The following LRP2 variants were observed in gnomAD, a reference collection of about 807,000 sequenced individuals.
LRP2 encodes LDL receptor related protein 2, also known as low-density lipoprotein receptor-related protein 2.
Under a neutral mutation model 531.0 loss-of-function variants are expected in LRP2, and 172 were observed. That is an observed-to-expected ratio of 0.32 (90% CI 0.29 to 0.37). The LOEUF (loss-of-function observed/expected upper bound fraction) is 0.37, where lower values mean the gene tolerates loss of function less well. LRP2 is among the 10% of genes least tolerant of loss of function. The pLI, the probability that LRP2 is intolerant of heterozygous loss-of-function variation, is 1.00. For missense variants in LRP2, 5,167 were observed against 5,868.3 expected (o/e 0.88, Z 3.90); for synonymous variants, 1,992 against 2,027.6 (o/e 0.98, Z 0.47).
At chr2:169,272,809 A>C in intron 15 of LRP2, 118 bp downstream of exon 15, 1 of 1,317,286 alleles carries the variant, frequency 7.6e-7, no homozygotes, top group East Asian at 2.3e-5. Context: ...GCTTATTTGC[A>C]GTCAAGAAGT....
chr2:169,154,460 T>G lies in LRP2; in HGVS notation c.12295A>C (p.Ser4099Arg), dbSNP rs958873431. The G allele has an allele frequency of 6.2e-7, 1 of 1,611,744 alleles. No individual in the cohort carries two copies. Among genetic ancestry groups the G allele is most frequent in the African/African-American group, 1.3e-5 (1 of 74,844 alleles). Reference protein sequence around the residue: ...YDWDPKDIGLSVVYYTVRGEG... With the variant: ...YDWDPKDIGLRVVYYTVRGEG... ...GAAAGATGCCAAAGTTTATACTCAC[T>G]GAGGCCTATGTCCTTGGGATCCCAA... The change falls in exon 66 of 79, where the codon AGT (serine) becomes CGT (arginine). Residue 4099 changes from serine (S) to arginine (R), a missense_variant and splice_region_variant. By Grantham distance (110) the Ser-to-Arg change is moderately radical. Coordinates refer to ENST00000649046, the MANE Select transcript of LRP2 (RefSeq NM_004525.3).
chr2:169,240,118 T>C (rs1375427767), intron 25 of LRP2, among the ~76,000 whole-genome samples: 1 of 152,328 alleles, frequency 6.6e-6, no homozygotes, highest in East Asian at 1.9e-4. Flanking sequence ...ACACTTAAAA[T>C]TGTTTCTCGT....
chr2:169,280,546 C>T, intron 10 of LRP2, 27 bp from the exon 11 acceptor site: 1 of 1,611,382 alleles, frequency 6.2e-7, no homozygotes. Context: ...AAGGCATCAC[C>T]ACTCCTTCAG....
chr2:169,244,808 T>C lies in LRP2; in HGVS notation c.3315A>G (p.Ala1105=). ...GSDEHNCPTH[A]PASCLDTQYT... ...ATTGGGTGTCAAGGCAGGAAGCAGGTGCGTGGGTGGGGCAGTTGTGCTCAT... is the reference window on the plus strand; with the variant it reads ...ATTGGGTGTCAAGGCAGGAAGCAGGCGCGTGGGTGGGGCAGTTGTGCTCAT... Residue 1105 remains alanine, a synonymous_variant, in exon 22 of 79, where the codon GCA becomes GCG. Transcript: ENST00000649046. 1.2e-6 allele frequency: 2 copies of C among 1,614,214 alleles called. No homozygotes were observed. Among genetic ancestry groups the C allele is most frequent in the Non-Finnish European group, 1.7e-6 (2 of 1,180,038 alleles).
Position 169,311,090 on chromosome 2 carries a change from CT to C in LRP2, c.311-3694del, listed in dbSNP as rs1304085699. The stretch of plus-strand genomic sequence containing the variant: ...TATTGTGTCTATTTGATTCTTCTCT[CT>C]TTTTTCGTTATTAGTCTTCCTAGTG... On this transcript the variant is annotated intron_variant, in intron 3 of 78. Transcript: ENST00000649046. Among the ~76,000 whole-genome samples, 3 of 152,096 alleles carry C rather than the reference CT, an allele frequency of 2.0e-5. No homozygotes were observed. In the East Asian group the frequency reaches 5.8e-4, roughly 29 times the overall value.
chr2:169,312,097 T>A (rs1238544453), intron 3 of LRP2, among the ~76,000 whole-genome samples: 3 of 152,158 alleles, frequency 2.0e-5, no homozygotes, highest in Non-Finnish European at 4.4e-5. Flanking sequence ...TATGTGTGTC[T>A]CTGCACGTGA....
At chr2:169,184,684 A>G (rs1403821152) in intron 50 of LRP2, among the ~76,000 whole-genome samples, 1 of 152,014 alleles carries the variant, frequency 6.6e-6, no homozygotes, top group Non-Finnish European at 1.5e-5. Context: ...TCAAAACAAG[A>G]GTCTCATGTT....
In LRP2 at chr2:169,132,701, C is replaced by T. The variant is rs1011411870; in HGVS notation, c.13621-20G>A. On this transcript the variant is annotated intron_variant, in intron 76 of 78. Coordinates refer to ENST00000649046, the MANE Select transcript of LRP2 (RefSeq NM_004525.3). Reference sequence around the variant, plus strand: ...AGTCACCTGTGGACATGTTAAAGGCCTTTACCCAATTTTGAAAGAATTTAG... The same window carrying T: ...AGTCACCTGTGGACATGTTAAAGGCTTTTACCCAATTTTGAAAGAATTTAG... 4.2e-6 allele frequency: 5 copies of T among 1,178,720 alleles called. No individual in the cohort carries two copies. The highest frequency in any genetic ancestry group is 1.9e-4 in the Middle Eastern group (1 of 5,298). 73.0% of individuals were successfully genotyped at this position (1,178,720 alleles called of 1,614,324 possible).
At chr2:169,203,051 A>G in intron 42 of LRP2, 92 bp from the exon 43 acceptor site, 1 of 997,410 alleles carries the variant, frequency 1.0e-6, no homozygotes, top group East Asian at 2.5e-5. Flanking sequence ...CAGCTTCTAC[A>G]TTAAATGCTC....
rs970862922 is a variant in LRP2, at chr2:169,160,685, A to AAAAAAAAAAAAAAAAAAAAAAC, written c.11887+1786_11887+1787insGTTTTTTTTTTTTTTTTTTTTT. On this transcript the variant is annotated intron_variant, in intron 63 of 78. Coordinates refer to ENST00000649046, the MANE Select transcript of LRP2 (RefSeq NM_004525.3). ...TTGTTTGTGCTACTTATTTCCTTAA[A>AAAAAAAAAAAAAAAAAAAAAAC]AAAAAAAAAACCTGCTACTAATTAA... 1.1e-3 allele frequency among the ~76,000 whole-genome samples: 107 copies of AAAAAAAAAAAAAAAAAAAAAAC among 94,210 alleles called. 3 individuals carry two copies. The highest frequency in any genetic ancestry group is 6.2e-3 in the Middle Eastern group (1 of 162). 61.8% of individuals were successfully genotyped at this position (94,210 alleles called of 152,430 possible). A position where few individuals can be genotyped will look rare whatever the true frequency, so the allele number is the denominator to read the frequency against.
At position 169,175,493 on chromosome 2, in the gene LRP2, T is replaced by G. The variant is rs1200418988; in HGVS notation, c.10572-104A>C. On this transcript the variant is annotated intron_variant, in intron 54 of 78. Coordinates refer to ENST00000649046, the MANE Select transcript of LRP2 (RefSeq NM_004525.3). ...ATTCCAAGAAATGACATGCATGAGC[T>G]CTCTCGTGGCCCTAGAAGAGGATCA... 5 of 1,031,204 alleles carry G rather than the reference T, an allele frequency of 4.8e-6. No individual in the cohort carries two copies. In the African/African-American group the frequency reaches 7.9e-5, roughly 16 times the overall value. 63.9% of individuals were successfully genotyped at this position (1,031,204 alleles called of 1,614,324 possible).
intron 54 of LRP2, 75 bp downstream of exon 54, chr2:169,176,336 T>A: frequency 6.4e-7 from 1 of 1,573,452 alleles, no homozygotes; most frequent in Non-Finnish European, 8.7e-7. Context: ...AAAACTCCCA[T>A]CCCTTGGAGC....
intron 3 of LRP2, among the ~76,000 whole-genome samples, chr2:169,309,438 A>T (rs1208228047): frequency 3.9e-5 from 6 of 152,218 alleles, no homozygotes; most frequent in Admixed American, 6.5e-5. Context: ...AGCTTTCTAC[A>T]TATGGCTAGC....
At position 169,279,278 on chromosome 2, in the gene LRP2, A is replaced by C. The variant is rs1574214288; in HGVS notation, c.1565+94T>G. 2.7e-5 allele frequency: 25 copies of C among 926,152 alleles called. No homozygotes were observed. In the East Asian group the frequency reaches 6.1e-4, roughly 23 times the overall value. 57.4% of individuals were successfully genotyped at this position (926,152 alleles called of 1,614,324 possible). On this transcript the variant is annotated intron_variant, in intron 12 of 78. Coordinates refer to ENST00000649046, the MANE Select transcript of LRP2 (RefSeq NM_004525.3). ...AGTATACAGCCTAAAAGAAATCAGA[A>C]TGAGCCTTTGATTAATCCAGTAGAT...
At chr2:169,170,820 T>C (rs971669687) in intron 58 of LRP2, among the ~76,000 whole-genome samples, 153 bp from the exon 59 acceptor site, 32 of 151,668 alleles carry the variant, frequency 2.1e-4, no homozygotes, top group African/African-American at 7.5e-4. Context: ...CCTCCAAAAC[T>C]AGACCTTTCA....
At position 169,279,352 on chromosome 2, in the gene LRP2, T is replaced by C; in HGVS notation, c.1565+20A>G. ...AAAATTCTAAAAATACAGGAATCAA[T>C]ATGTTTTCACATCACTTACCCAACA... On this transcript the variant is annotated intron_variant, in intron 12 of 78. Coordinates refer to ENST00000649046, the MANE Select transcript of LRP2 (RefSeq NM_004525.3). 6.4e-7 allele frequency: 1 copy of C among 1,563,892 alleles called. No homozygotes were observed. Among genetic ancestry groups the C allele is most frequent in the Non-Finnish European group, 8.8e-7 (1 of 1,134,328 alleles).
At position 169,294,615 on chromosome 2, in the gene LRP2, C is replaced by T; in HGVS notation, c.523G>A (p.Asp175Asn). 1 of 1,608,972 alleles carries T rather than the reference C, an allele frequency of 6.2e-7. No homozygotes were observed. Among genetic ancestry groups the T allele is most frequent in the Non-Finnish European group, 8.5e-7 (1 of 1,177,112 alleles). The change falls in exon 5 of 79, where the codon GAT becomes AAT. Residue 175 changes from aspartate to asparagine, a missense_variant. This residue lies in a region of LRP2 where 2,811 missense variants were observed against 3,058.0 expected (regional missense o/e 0.92). Coordinates refer to ENST00000649046, the MANE Select transcript of LRP2 (RefSeq NM_004525.3). ...CAATACTTACTGCAGTTGATTTCAT[C>T]TGAGGAGTCCCTGCAATCAACTTTC... ...DWKVDCRDSS[D>N]EINCTEICLH...
At chr2:169,260,530 T>C (rs1484085576) in intron 16 of LRP2, among the ~76,000 whole-genome samples, 1 of 152,000 alleles carries the variant, frequency 6.6e-6, no homozygotes, top group Non-Finnish European at 1.5e-5. Context: ...CTTAGACATG[T>C]TGGTTTAGAG....
rs748432271 is a variant in LRP2, at chr2:169,247,410, T to C, written c.2876A>G (p.His959Arg). Residue 959 changes from histidine to arginine, a missense_variant, in exon 20 of 79, where the codon CAT becomes CGT. His to Arg is a conservative substitution (Grantham distance 29). This residue lies in a region of LRP2 where 2,811 missense variants were observed against 3,058.0 expected (regional missense o/e 0.92). Transcript: ENST00000649046. ...GATGTTGACATCATACGATTTCAAA[T>C]GCAGTATGTAAGCAATGCCACTTCG... Reference protein sequence around the residue: ...VIRSGIAYILHLKSYDVNIQT... With the variant: ...VIRSGIAYILRLKSYDVNIQT... 7 of 1,614,086 alleles carry C rather than the reference T, an allele frequency of 4.3e-6. No homozygotes were observed. The African/African-American group carries it at 9.3e-5, about 22-fold the overall frequency.
Sources: gnomAD v4.1 joint callset for allele counts (sites outside exome capture counted in the v4.1 genomes callset) on GRCh38, gnomAD v4.1.1 for gene constraint, gnomAD v4.1.1 regional missense constraint, MANE v1.5 for transcripts, NCBI Gene and HGNC (gene_info 2026-07-23, HGNC 2026-07-21) for gene names.